Variants in KCNJ6 observed in about 807,000 individuals in gnomAD.
KCNJ6 encodes the protein potassium inwardly rectifying channel subfamily J member 6.
KCNJ6 carries 9 observed loss-of-function variants against 34.2 expected under a neutral mutation model. The ratio of observed to expected loss-of-function variants is 0.26; its 90% confidence interval spans 0.16 to 0.46. The LOEUF is 0.46. Among genes scored for constraint, KCNJ6 ranks in the 20% least tolerant of loss-of-function variants. The probability of loss-of-function intolerance (pLI) is 1.00; values close to 1 mark genes in which losing one functional copy is unlikely to be tolerated. For missense variants in KCNJ6, 236 were observed against 531.3 expected, an observed-to-expected ratio of 0.44 and a Z score of 5.46; for synonymous variants, 196 against 207.1, an observed-to-expected ratio of 0.95 and a Z score of 0.46.
chr21:37,845,418 G>A (rs1440353354), intron 1 of KCNJ6, among the ~76,000 whole-genome samples: 2 of 152,172 alleles, frequency 1.3e-5, no homozygotes, highest in South Asian at 4.2e-4. Flanking sequence ...GAGAGCACAT[G>A]TATAAGAGTT....
intron 2 of KCNJ6, among the ~76,000 whole-genome samples, chr21:37,834,139 C>T (rs1161048886): frequency 1.3e-5 from 2 of 152,232 alleles, no homozygotes; most frequent in African/African-American, 2.4e-5. Flanking sequence ...CTGCAATCCA[C>T]GCCATGATGC....
At chr21:37,893,144 G>A (rs1030340501) in intron 1 of KCNJ6, among the ~76,000 whole-genome samples, 1 of 151,326 alleles carries the variant, frequency 6.6e-6, no homozygotes, top group Non-Finnish European at 1.5e-5. Flanking sequence ...TTGAGCCACC[G>A]CACCCGGCCG....
Position 37,645,017 on chromosome 21 carries a change from GTTT to G in KCNJ6, c.947-19536_947-19534del, listed in dbSNP as rs71198881. On this transcript the variant is annotated intron_variant, in intron 3 of 3. Transcript: ENST00000609713. ...TCACTGGTTGCAAGAAAACAGGTGG[GTTT>G]TTTTTTTTTTTTTTTGTGAAAAAAC... Among the ~76,000 whole-genome samples, 1,277 of 130,796 alleles carry G rather than the reference GTTT, an allele frequency of 9.8e-3. 8 individuals are homozygous for G. Among genetic ancestry groups the G allele is most frequent in the Middle Eastern group, 0.02 (5 of 254 alleles). The allele number at this position is 130,796 out of a possible 152,430, so 85.8% of individuals were successfully genotyped here. A position where few individuals can be genotyped will look rare whatever the true frequency, so the allele number is the denominator to read the frequency against.
intron 3 of KCNJ6, among the ~76,000 whole-genome samples, chr21:37,670,769 A>G (rs1303909052): frequency 2.0e-5 from 3 of 152,236 alleles, no homozygotes; most frequent in Non-Finnish European, 4.4e-5. Context: ...TGTCTCAAAA[A>G]GACAAAACAA....
At chr21:37,755,331 GC>G (rs1452945766) in intron 2 of KCNJ6, among the ~76,000 whole-genome samples, 1 of 152,112 alleles carries the variant, frequency 6.6e-6, no homozygotes, top group East Asian at 1.9e-4. Flanking sequence ...AAACACACAT[GC>G]AAAAGCTTTC....
In KCNJ6 at chr21:37,613,684, G is replaced by A. The variant is rs75971396; in HGVS notation, c.*11475C>T. On this transcript the variant is annotated 3_prime_UTR_variant, in exon 4 of 4. Coordinates refer to ENST00000609713, the MANE Select transcript of KCNJ6 (RefSeq NM_002240.5). The stretch of plus-strand genomic sequence containing the variant: ...AATTTTATAAGGCTGCGTACTGCAT[G>A]AGTCCAATTATATGCCATTCTGGAA... The A allele has an allele frequency of 2.0e-5, 3 of 152,242 alleles. No homozygotes were observed. Among genetic ancestry groups the A allele is most frequent in the Admixed American group, 1.3e-4 (2 of 15,288 alleles). 9.4% of individuals were successfully genotyped at this position (152,242 alleles called of 1,614,324 possible). A position where few individuals can be genotyped will look rare whatever the true frequency, so the allele number is the denominator to read the frequency against.
At chr21:37,831,494 G>A (rs985782217) in intron 2 of KCNJ6, among the ~76,000 whole-genome samples, 3 of 152,168 alleles carry the variant, frequency 2.0e-5, no homozygotes, top group Non-Finnish European at 4.4e-5. Context: ...GAATCCCTCA[G>A]TTACAAGTTG....
intron 3 of KCNJ6, among the ~76,000 whole-genome samples, chr21:37,634,953 C>T (rs4816569): frequency 0.023 from 3,560 of 151,994 alleles, 103 homozygotes; most frequent in East Asian, 0.068. Context: ...AGATGGGTTT[C>T]GCCATGTTGG....
At chr21:37,656,666 C>T (rs544967737) in intron 3 of KCNJ6, among the ~76,000 whole-genome samples, 4 of 152,318 alleles carry the variant, frequency 2.6e-5, no homozygotes, top group East Asian at 1.9e-4. Context: ...GTCCTTTCCC[C>T]GGCCTGCCTG....
Position 37,616,590 on chromosome 21 carries a change from C to CATATATATATATATATATACATAT in KCNJ6, c.*8568_*8569insATATGTATATATATATATATATAT, listed in dbSNP as rs2054267793. The CATATATATATATATATATACATAT allele has an allele frequency of 1.1e-5, 1 of 90,916 alleles. No individual in the cohort carries two copies. The highest frequency in any genetic ancestry group is 1.3e-4 in the Admixed American group (1 of 7,700). The allele number at this position is 90,916 out of a possible 1,614,324, so 5.6% of individuals were successfully genotyped here. A position where few individuals can be genotyped will look rare whatever the true frequency, so the allele number is the denominator to read the frequency against. ...AATTATGAAGCAGGAACAAAATGTA[C>CATATATATATATATATATACATAT]ATATATATATATATATATATATATA... is the stretch of plus-strand genomic sequence containing the variant. On this transcript the variant is annotated 3_prime_UTR_variant, in exon 4 of 4. Transcript: ENST00000609713.
At chr21:37,750,678 T>G (rs1280464826) in intron 2 of KCNJ6, among the ~76,000 whole-genome samples, 7 of 150,096 alleles carry the variant, frequency 4.7e-5, no homozygotes, top group Non-Finnish European at 1.5e-5. Flanking sequence ...AGTTGAACAA[T>G]GAGAACACAT....
At chr21:37,908,407 A>T (rs1002070135) in intron 1 of KCNJ6, among the ~76,000 whole-genome samples, 6 of 152,246 alleles carry the variant, frequency 3.9e-5, no homozygotes, top group African/African-American at 1.4e-4. Flanking sequence ...CTATTAGTAG[A>T]CTAATTCAAC....
intron 1 of KCNJ6, among the ~76,000 whole-genome samples, chr21:37,882,135 T>G (rs2055711966): frequency 6.6e-6 from 1 of 152,178 alleles, no homozygotes; most frequent in Admixed American, 6.5e-5. Flanking sequence ...TTCTACAGTT[T>G]TATGTGGGTT....
At chr21:37,712,338 G>A (rs1469749576) in intron 3 of KCNJ6, among the ~76,000 whole-genome samples, 4 of 152,146 alleles carry the variant, frequency 2.6e-5, no homozygotes. Flanking sequence ...GTAGCTCTGT[G>A]GCCGCTAGGG....
At chr21:37,746,503 G>A (rs2054968359) in intron 2 of KCNJ6, among the ~76,000 whole-genome samples, 1 of 152,196 alleles carries the variant, frequency 6.6e-6, no homozygotes, top group African/African-American at 2.4e-5. Context: ...CCAAAAGGCT[G>A]TGAACAAATG....
At chr21:37,679,382 C>G (rs1371781780) in intron 3 of KCNJ6, among the ~76,000 whole-genome samples, 1 of 152,208 alleles carries the variant, frequency 6.6e-6, no homozygotes, top group African/African-American at 2.4e-5. Flanking sequence ...AGTTAATTCA[C>G]TCTCCTGTGC....
rs2055892827 is a variant in KCNJ6 at position 37,916,130 on chromosome 21, C to T, written c.-274G>A. On this transcript the variant is annotated 5_prime_UTR_variant, in exon 1 of 4. Coordinates refer to ENST00000609713, the MANE Select transcript of KCNJ6 (RefSeq NM_002240.5). ...CCGGCGTCCGCGGGTCTCCACCCCT[C>T]CGCCCGCCCAGCCTCTCCAGCCAGG... 1 of 152,472 alleles carries T rather than the reference C, an allele frequency of 6.6e-6. No homozygotes were observed. Among genetic ancestry groups the T allele is most frequent in the Non-Finnish European group, 1.5e-5 (1 of 68,312 alleles). The allele number at this position is 152,472 out of a possible 1,614,324, so 9.4% of individuals were successfully genotyped here.
rs554468041 is a variant in KCNJ6, at chr21:37,634,085, C to T, written c.947-8601G>A. On this transcript the variant is annotated intron_variant, in intron 3 of 3. Transcript: ENST00000609713. ...GTATGGACATGTGCAACAGGAAACA[C>T]GTATGATTATGTTCATAGCAGTTGT... 2.7e-4 allele frequency among the ~76,000 whole-genome samples: 41 copies of T among 152,280 alleles called. No homozygotes were observed. In the East Asian group the frequency reaches 6.9e-3, roughly 26 times the overall value.
chr21:37,655,235 GAGAGAGAGAGAGAGA>G (rs2054457034), intron 3 of KCNJ6, among the ~76,000 whole-genome samples: 3 of 2,548 alleles, frequency 1.2e-3, no homozygotes, highest in African/African-American at 2.3e-3. Flanking sequence ...GAGAGAGAGA[GAGAGAGAGAGAGAGA>G]GAGAGAGAGA....
Sources: gnomAD v4.1 joint callset for allele counts (sites outside exome capture counted in the v4.1 genomes callset) on GRCh38, gnomAD v4.1.1 for gene constraint, MANE v1.5 for transcripts, NCBI Gene and HGNC (gene_info 2026-07-23, HGNC 2026-07-21) for gene names.